Variants in TAS2R1 observed in about 807,000 individuals in gnomAD.
TAS2R1 encodes the protein taste 2 receptor member 1.
For synonymous variants in TAS2R1, 141 were observed against 134.2 expected (o/e 1.05, Z -0.35); for missense variants, 370 against 353.4 (o/e 1.05, Z -0.38).
chr5:9,742,300 C>G, the TAS2R1 span, among the ~76,000 whole-genome samples: 1 of 152,198 alleles, frequency 6.6e-6, no homozygotes, highest in African/African-American at 2.4e-5. Flanking sequence ...TGAGAATCAG[C>G]CTCCTGAAAA....
chr5:9,903,140 T>A, the TAS2R1 span, among the ~76,000 whole-genome samples: 8 of 152,154 alleles, frequency 5.3e-5, no homozygotes, highest in African/African-American at 1.7e-4. Flanking sequence ...GAGTTACTAT[T>A]GACTATAGCC....
rs538912499 is a variant in TAS2R1 at position 9,688,346 on chromosome 5, T to C, written c.-242+23826A>G. Among the ~76,000 whole-genome samples, 447 of 152,320 alleles carry C rather than the reference T, an allele frequency of 2.9e-3. 1 individual carries two copies. Among genetic ancestry groups the C allele is most frequent in the Middle Eastern group, 0.027 (8 of 294 alleles). ...ATTTTATTGGTGGTCTTGTTATTTA[T>C]AGTGAACTACTATCATGTAACAAAA... On this transcript the variant is annotated intron_variant, in intron 1 of 2. Transcript: ENST00000506620.
At chr5:9,900,235 C>T in the TAS2R1 span, among the ~76,000 whole-genome samples, 2 of 152,170 alleles carry the variant, frequency 1.3e-5, no homozygotes. Flanking sequence ...GATAATGAGG[C>T]CATTTCAACA....
chr5:9,636,514 C>G (rs1739967127), intron 2 of TAS2R1, among the ~76,000 whole-genome samples: 1 of 152,028 alleles, frequency 6.6e-6, no homozygotes, highest in African/African-American at 2.4e-5. Flanking sequence ...TCTTGATAAG[C>G]TGTCTAGTGC....
At chr5:9,731,554 C>A in the TAS2R1 span, among the ~76,000 whole-genome samples, 1 of 152,244 alleles carries the variant, frequency 6.6e-6, no homozygotes, top group Non-Finnish European at 1.5e-5. Context: ...ACTCTCCCTT[C>A]TTCCACCAGG....
the TAS2R1 span, among the ~76,000 whole-genome samples, chr5:9,741,489 T>A: frequency 5.2e-3 from 791 of 152,320 alleles, 8 homozygotes; most frequent in African/African-American, 0.018. Context: ...ATGTTTCTTA[T>A]GTCTAATGTT....
At chr5:9,754,776 C>T in the TAS2R1 span, among the ~76,000 whole-genome samples, 1 of 152,314 alleles carries the variant, frequency 6.6e-6, no homozygotes, top group Non-Finnish European at 1.5e-5. Flanking sequence ...ATTCCACGCT[C>T]ATGGGTAGGA....
At chr5:9,873,919 A>C in the TAS2R1 span, among the ~76,000 whole-genome samples, 10 of 149,732 alleles carry the variant, frequency 6.7e-5, no homozygotes, top group East Asian at 1.4e-3. Context: ...AAAAAAAGAA[A>C]AGAAAAGGGG....
the TAS2R1 span, among the ~76,000 whole-genome samples, chr5:9,884,777 T>C: frequency 1.3e-5 from 2 of 152,244 alleles, no homozygotes; most frequent in South Asian, 4.1e-4. Context: ...ATTTAAATGT[T>C]AGCTTCAAAA....
At chr5:9,776,740 C>A in the TAS2R1 span, among the ~76,000 whole-genome samples, 684 of 152,284 alleles carry the variant, frequency 4.5e-3, 4 homozygotes, top group African/African-American at 0.015. Flanking sequence ...GATGGCCAGA[C>A]TCCCCACACC....
At chr5:9,834,454 G>C in the TAS2R1 span, among the ~76,000 whole-genome samples, 1 of 152,082 alleles carries the variant, frequency 6.6e-6, no homozygotes, top group Non-Finnish European at 1.5e-5. Context: ...TTGCAGAAAG[G>C]AAAAGCTGGG....
At chr5:9,727,880 T>C in the TAS2R1 span, among the ~76,000 whole-genome samples, 3,546 of 152,278 alleles carry the variant, frequency 0.023, 144 homozygotes, top group African/African-American at 0.078. Context: ...CTTAGCCTCA[T>C]GGGGTTGCCC....
chr5:9,869,461 C>A, the TAS2R1 span, among the ~76,000 whole-genome samples: 3 of 152,070 alleles, frequency 2.0e-5, no homozygotes, highest in Non-Finnish European at 2.9e-5. Context: ...ACAGGAAAAC[C>A]AATTCCCATG....
At chr5:9,873,949 C>T in the TAS2R1 span, among the ~76,000 whole-genome samples, 1 of 117,616 alleles carries the variant, frequency 8.5e-6, no homozygotes, top group Admixed American at 1.0e-4. Flanking sequence ...GAGGGGGAGA[C>T]AGAAAGAAAA....
the TAS2R1 span, among the ~76,000 whole-genome samples, chr5:9,801,081 TC>T: frequency 6.6e-6 from 1 of 152,138 alleles, no homozygotes; most frequent in Non-Finnish European, 1.5e-5. Flanking sequence ...AATCCCAGCT[TC>T]TCAGGAGGGT....
chr5:9,735,042 G>A, the TAS2R1 span, among the ~76,000 whole-genome samples: 37 of 151,338 alleles, frequency 2.4e-4, no homozygotes, highest in Non-Finnish European at 4.7e-4. Context: ...ACTTACAGTC[G>A]TGGCAGTAGG....
At chr5:9,702,819 A>C (rs888154879) in intron 1 of TAS2R1, among the ~76,000 whole-genome samples, 4 of 152,062 alleles carry the variant, frequency 2.6e-5, no homozygotes, top group Non-Finnish European at 4.4e-5. Context: ...GGAGCCAGCA[A>C]AAGTAAGGGC....
the TAS2R1 span, among the ~76,000 whole-genome samples, chr5:9,735,645 C>G: frequency 1.3e-5 from 2 of 152,296 alleles, no homozygotes; most frequent in African/African-American, 2.4e-5. Flanking sequence ...CCACACCCCC[C>G]ACCATGGTGA....
chr5:9,741,977 C>A, the TAS2R1 span, among the ~76,000 whole-genome samples: 212 of 152,278 alleles, frequency 1.4e-3, 3 homozygotes, highest in Non-Finnish European at 2.5e-4. Context: ...CTCACCACAA[C>A]CTCTGCCTCC....
Sources: allele counts gnomAD v4.1 joint callset (sites outside exome capture counted in the v4.1 genomes callset), GRCh38; gene constraint gnomAD v4.1.1; transcripts MANE v1.5; gene names NCBI Gene and HGNC (gene_info 2026-07-23, HGNC 2026-07-21).